Variants in TAOK3 observed in about 807,000 individuals in gnomAD.
TAOK3 encodes the protein TAO kinase 3.
TAOK3 carries 40 observed loss-of-function variants against 120.4 expected under a neutral mutation model. That is an observed-to-expected ratio of 0.33 (90% CI 0.26 to 0.43). The LOEUF (loss-of-function observed/expected upper bound fraction) is 0.43. Among genes scored for constraint, TAOK3 ranks in the 20% least tolerant of loss-of-function variants. The pLI is 1.00. For missense variants in TAOK3, 821 were observed against 1,112.1 expected (o/e 0.74, Z 3.72); for synonymous variants, 355 against 387.5 (o/e 0.92, Z 0.99).
rs1166161497 is a variant in TAOK3 at position 118,371,459 on chromosome 12, C to T, written c.-194+1189G>A. Among the ~76,000 whole-genome samples the T allele has an allele frequency of 6.6e-6, 1 of 152,142 alleles. No homozygotes were observed. The highest frequency in any genetic ancestry group is 2.4e-5 in the African/African-American group (1 of 41,416). On this transcript the variant is annotated intron_variant, in intron 1 of 20. Transcript: ENST00000392533. The surrounding 1 kb of genome is among the most constrained non-coding windows in gnomAD (Gnocchi z 5.5). ...GATCTTTGTCCTGCAGCCAGCCCCACCAGCCCCTCCAGCTCCTCCAGCCCA... is the reference window on the plus strand; with the variant it reads ...GATCTTTGTCCTGCAGCCAGCCCCATCAGCCCCTCCAGCTCCTCCAGCCCA...
At chr12:118,293,405 G>A (rs2042554355) in intron 1 of TAOK3, among the ~76,000 whole-genome samples, 1 of 152,112 alleles carries the variant, frequency 6.6e-6, no homozygotes, top group Non-Finnish European at 1.5e-5. Flanking sequence ...TTGGCTGGGT[G>A]TGGTGGCTCA....
At chr12:118,279,978 G>A (rs962193528) in intron 1 of TAOK3, among the ~76,000 whole-genome samples, 23 of 151,310 alleles carry the variant, frequency 1.5e-4, no homozygotes, top group African/African-American at 5.6e-4. Context: ...TGTTGGCCAA[G>A]CAGGTCTTGA....
At chr12:118,218,771 T>C (rs2039070469) in intron 9 of TAOK3, among the ~76,000 whole-genome samples, 1 of 151,988 alleles carries the variant, frequency 6.6e-6, no homozygotes, top group Admixed American at 6.6e-5. Flanking sequence ...CTGGCCAACA[T>C]GGTGAAACCC....
chr12:118,154,432 C>G (rs538049215), intron 19 of TAOK3, among the ~76,000 whole-genome samples: 2 of 152,126 alleles, frequency 1.3e-5, no homozygotes, highest in Non-Finnish European at 2.9e-5. Context: ...ACATCAAATC[C>G]ATTAAAAAGT....
Position 118,150,514 on chromosome 12 carries a change from A to C in TAOK3, c.*483T>G, listed in dbSNP as rs977093959. On this transcript the variant is annotated 3_prime_UTR_variant, in exon 21 of 21. Transcript: ENST00000392533. ...ATTCCTGATGAATAAATACCAAAAA[A>C]ATAAAATAAAATAAAATAATGCAGC... 6.6e-6 allele frequency: 1 copy of C among 152,654 alleles called. No individual in the cohort carries two copies. The highest frequency in any genetic ancestry group is 1.5e-5 in the Non-Finnish European group (1 of 68,086). The allele number at this position is 152,654 out of a possible 1,614,324, so 9.5% of individuals were successfully genotyped here. A position where few individuals can be genotyped will look rare whatever the true frequency, so the allele number is the denominator to read the frequency against.
chr12:118,316,223 T>C (rs976211654), intron 1 of TAOK3, among the ~76,000 whole-genome samples: 9 of 152,220 alleles, frequency 5.9e-5, no homozygotes, highest in African/African-American at 2.2e-4. Context: ...CTAATGATCA[T>C]GGATTTGTTA....
At chr12:118,329,810 G>C (rs1315145372) in intron 1 of TAOK3, among the ~76,000 whole-genome samples, 1 of 152,016 alleles carries the variant, frequency 6.6e-6, no homozygotes, top group Non-Finnish European at 1.5e-5. Context: ...ATATAATAGT[G>C]GTAAAAACTT....
At chr12:118,359,265 C>G (rs1022326063) in intron 1 of TAOK3, 1 of 152,126 alleles carries the variant, frequency 6.6e-6, no homozygotes, top group Non-Finnish European at 1.5e-5. Context: ...CCAGAATTTT[C>G]CCCCCAGTAC....
intron 3 of TAOK3, among the ~76,000 whole-genome samples, chr12:118,245,853 G>A (rs955234505): frequency 5.9e-5 from 9 of 152,242 alleles, no homozygotes; most frequent in Admixed American, 4.6e-4. Flanking sequence ...CTTGTAAACT[G>A]TCCATCAATG....
In TAOK3 at chr12:118,152,424, G is replaced by GAC. The variant is rs762757900; in HGVS notation, c.2353-17_2353-16dup. 1 of 1,602,938 alleles carries GAC rather than the reference G, an allele frequency of 6.2e-7. No homozygotes were observed. Among genetic ancestry groups the GAC allele is most frequent in the African/African-American group, 1.3e-5 (1 of 74,852 alleles). ...TCTAGCCGTAACTGCGGACACAGAA[G>GAC]ACACACACGGTCATGCACCCTTGCC... On this transcript the variant is annotated splice_polypyrimidine_tract_variant and intron_variant, in intron 19 of 20. Transcript: ENST00000392533.
intron 19 of TAOK3, among the ~76,000 whole-genome samples, chr12:118,153,103 A>G (rs1398513647): frequency 6.6e-6 from 1 of 152,146 alleles, no homozygotes; most frequent in South Asian, 2.1e-4. Context: ...CCAATCCAAA[A>G]CTCCAAATGG....
chr12:118,154,411 C>T (rs1186819279), intron 19 of TAOK3, among the ~76,000 whole-genome samples: 1 of 152,110 alleles, frequency 6.6e-6, no homozygotes, highest in Non-Finnish European at 1.5e-5. Flanking sequence ...TTTTATCACC[C>T]AAGGTTACAC....
intron 5 of TAOK3, among the ~76,000 whole-genome samples, chr12:118,241,004 TTATAAA>T (rs1322028434): frequency 4.0e-5 from 6 of 149,332 alleles, no homozygotes; most frequent in East Asian, 1.9e-4. Context: ...TATGAACATA[TTATAAA>T]TATAAGTATA....
chr12:118,335,275 A>C (rs2044320987), intron 1 of TAOK3, among the ~76,000 whole-genome samples: 1 of 152,178 alleles, frequency 6.6e-6, no homozygotes, highest in Admixed American at 6.5e-5. Context: ...TAAATCACTA[A>C]TATCAGAAGT....
intron 1 of TAOK3, among the ~76,000 whole-genome samples, chr12:118,285,318 C>G (rs1241594969): frequency 1.3e-5 from 2 of 152,078 alleles, no homozygotes; most frequent in African/African-American, 4.8e-5. Context: ...GCTGGGATTA[C>G]AGGCGTGAGC....
intron 1 of TAOK3, among the ~76,000 whole-genome samples, chr12:118,368,211 T>C (rs1369927912): frequency 6.6e-6 from 1 of 152,144 alleles, no homozygotes; most frequent in East Asian, 1.9e-4. Context: ...TATTATTATT[T>C]TTTGAGACGG....
chr12:118,209,864 C>G (rs2038534451), intron 11 of TAOK3, among the ~76,000 whole-genome samples: 1 of 151,926 alleles, frequency 6.6e-6, no homozygotes, highest in African/African-American at 2.4e-5. Flanking sequence ...AAGGCGCATG[C>G]CACTGCACCT....
Position 118,150,729 on chromosome 12 carries a change from T to C in TAOK3, c.*268A>G, listed in dbSNP as rs1423703276. ...TCTCCAAAGTTTTCACTGAAACATT[T>C]TGAATCACATCAATACTGTGACGTG... On this transcript the variant is annotated 3_prime_UTR_variant, in exon 21 of 21. Coordinates refer to ENST00000392533, the MANE Select transcript of TAOK3 (RefSeq NM_016281.4). 9.6e-6 allele frequency: 3 copies of C among 311,850 alleles called. No individual in the cohort carries two copies. Among genetic ancestry groups the C allele is most frequent in the East Asian group, 5.2e-5 (1 of 19,416 alleles). 19.3% of individuals were successfully genotyped at this position (311,850 alleles called of 1,614,324 possible). A position where few individuals can be genotyped will look rare whatever the true frequency, so the allele number is the denominator to read the frequency against.
intron 20 of TAOK3, among the ~76,000 whole-genome samples, chr12:118,151,487 T>G (rs879778409): frequency 1.3e-5 from 2 of 152,040 alleles, no homozygotes; most frequent in Non-Finnish European, 2.9e-5. Context: ...CAGTGTCCTG[T>G]GTTAGGGGAT....
Sources: allele counts gnomAD v4.1 joint callset (sites outside exome capture counted in the v4.1 genomes callset), GRCh38; gene constraint gnomAD v4.1.1; non-coding constraint Gnocchi (gnomAD v3.1); transcripts MANE v1.5; gene names NCBI Gene and HGNC (gene_info 2026-07-23, HGNC 2026-07-21).